CCSER1: variants seen among roughly 807,000 people sequenced by gnomAD.
CCSER1 encodes serine-rich coiled-coil domain-containing protein 1.
Under a neutral mutation model 82.0 loss-of-function variants are expected in CCSER1, and 41 were observed. The ratio of observed to expected loss-of-function variants is 0.50; its 90% CI spans 0.39 to 0.65. CCSER1 has a LOEUF of 0.65. Ranked by LOEUF, CCSER1 falls within the 30% of genes least tolerant of loss-of-function variation. The pLI, the probability that CCSER1 is intolerant of heterozygous loss-of-function variation, is 0.00. For synonymous variants in CCSER1, 414 were observed against 383.9 expected, an observed-to-expected ratio of 1.08 and a Z score of -0.92; for missense variants, 1,119 against 1,064.2, an observed-to-expected ratio of 1.05 and a Z score of -0.72.
chr4:91,225,308 T>C (rs1440636702), intron 10 of CCSER1, among the ~76,000 whole-genome samples: 1 of 127,866 alleles, frequency 7.8e-6, no homozygotes, highest in Non-Finnish European at 1.6e-5. Context: ...ATATATATTA[T>C]ATATGTAATA....
rs150080974 is a variant in CCSER1 at position 90,767,739 on chromosome 4, A to G, written c.2010+43748A>G. 1.6e-3 allele frequency among the ~76,000 whole-genome samples: 251 copies of G among 152,134 alleles called. 1 individual carries two copies. Among genetic ancestry groups the G allele is most frequent in the African/African-American group, 5.8e-3 (242 of 41,512 alleles). On this transcript the variant is annotated intron_variant, in intron 7 of 10. Coordinates refer to ENST00000509176, the MANE Select transcript of CCSER1 (RefSeq NM_001145065.2). ...ACCCAGGCTGGAGTGCAGTGGTGCT[A>G]TCTCAGTTTGCTCCATCTCCAGGGC... is the stretch of plus-strand genomic sequence containing the variant.
intron 7 of CCSER1, among the ~76,000 whole-genome samples, chr4:90,801,063 GAAAC>G (rs755898029): frequency 5.9e-5 from 9 of 151,984 alleles, no homozygotes; most frequent in Non-Finnish European, 1.3e-4. Context: ...TCAAAAAAAT[GAAAC>G]AAAGAGGACA....
At chr4:91,418,386 A>G (rs1366806065) in intron 10 of CCSER1, among the ~76,000 whole-genome samples, 1 of 151,614 alleles carries the variant, frequency 6.6e-6, no homozygotes, top group Non-Finnish European at 1.5e-5. Context: ...AAAATGTTAA[A>G]TGAAAGAAGA....
intron 10 of CCSER1, among the ~76,000 whole-genome samples, chr4:91,398,554 A>G (rs930171094): frequency 6.6e-6 from 1 of 151,988 alleles, no homozygotes; most frequent in Non-Finnish European, 1.5e-5. Flanking sequence ...TCATTAATGT[A>G]CAAGATCACT....
At chr4:90,765,153 T>C (rs561076117) in intron 7 of CCSER1, among the ~76,000 whole-genome samples, 1 of 152,134 alleles carries the variant, frequency 6.6e-6, no homozygotes, top group Non-Finnish European at 1.5e-5. Context: ...TAATTAACTC[T>C]CTGCTATGTC....
intron 3 of CCSER1, among the ~76,000 whole-genome samples, chr4:90,347,338 T>TATCA (rs1454337597): frequency 2.0e-5 from 3 of 152,038 alleles, no homozygotes; most frequent in Non-Finnish European, 4.4e-5. Flanking sequence ...TCTATCTATC[T>TATCA]ATCTATCTAT....
chr4:90,435,931 A>G (rs940029474), intron 4 of CCSER1, among the ~76,000 whole-genome samples: 4 of 152,092 alleles, frequency 2.6e-5, no homozygotes, highest in African/African-American at 4.8e-5. Flanking sequence ...AAACCAATCA[A>G]ACACAAGGGC....
intron 9 of CCSER1, among the ~76,000 whole-genome samples, chr4:91,015,882 C>T (rs1049406763): frequency 1.2e-4 from 18 of 151,816 alleles, no homozygotes; most frequent in African/African-American, 4.3e-4. Flanking sequence ...TTTACAGGAA[C>T]ATTAGAACTA....
At chr4:90,819,594 G>T (rs183754024) in intron 8 of CCSER1, among the ~76,000 whole-genome samples, 2 of 152,088 alleles carry the variant, frequency 1.3e-5, no homozygotes, top group East Asian at 1.9e-4. Context: ...TAATAATTTC[G>T]ATTTAGGATT....
At chr4:90,809,584 G>A (rs559962260) in intron 7 of CCSER1, among the ~76,000 whole-genome samples, 24 of 152,058 alleles carry the variant, frequency 1.6e-4, no homozygotes, top group African/African-American at 5.8e-4. Flanking sequence ...TGGGTACAAT[G>A]TACACTATTT....
chr4:91,368,316 T>G (rs1320419713), intron 10 of CCSER1, among the ~76,000 whole-genome samples: 3 of 152,052 alleles, frequency 2.0e-5, no homozygotes, highest in Admixed American at 2.0e-4. Flanking sequence ...TGGTCTATTC[T>G]GTGATTTTTT....
chr4:90,944,613 T>C lies in CCSER1; in HGVS notation c.2172+21166T>C, dbSNP rs1243979781. Among the ~76,000 whole-genome samples, 9 of 152,206 alleles carry C rather than the reference T, an allele frequency of 5.9e-5. 1 individual carries two copies. Among genetic ancestry groups the C allele is most frequent in the African/African-American group, 2.2e-4 (9 of 41,450 alleles). ...GAGTGTTTCATTCATGAAATATCTC[T>C]ATTTTATATCCCAACATTGTGGCAT... On this transcript the variant is annotated intron_variant, in intron 9 of 10. Transcript: ENST00000509176.
intron 5 of CCSER1, among the ~76,000 whole-genome samples, chr4:90,487,764 C>T (rs1401520510): frequency 6.6e-6 from 1 of 152,110 alleles, no homozygotes; most frequent in Admixed American, 6.5e-5. Flanking sequence ...GCCTCAGCCT[C>T]TGGAGTAGCT....
chr4:91,546,559 T>G (rs889292401), intron 10 of CCSER1, among the ~76,000 whole-genome samples: 4 of 152,098 alleles, frequency 2.6e-5, no homozygotes, highest in Non-Finnish European at 5.9e-5. Context: ...ATTATCATTG[T>G]AATGTTTATG....
chr4:91,372,657 T>C (rs1315248893), intron 10 of CCSER1, among the ~76,000 whole-genome samples: 2 of 152,152 alleles, frequency 1.3e-5, no homozygotes, highest in Non-Finnish European at 2.9e-5. Flanking sequence ...ACCTCTGATA[T>C]GGCTAATAAC....
intron 1 of CCSER1, among the ~76,000 whole-genome samples, chr4:90,155,767 T>A (rs1480132644): frequency 6.6e-6 from 1 of 152,098 alleles, no homozygotes; most frequent in Non-Finnish European, 1.5e-5. Flanking sequence ...CTCTTTTTTC[T>A]TCTTTATTAG....
intron 10 of CCSER1, among the ~76,000 whole-genome samples, chr4:91,194,938 A>G (rs1735289865): frequency 6.6e-6 from 1 of 152,206 alleles, no homozygotes; most frequent in Non-Finnish European, 1.5e-5. Flanking sequence ...ATTTACAAAA[A>G]GTAATTGGGT....
intron 6 of CCSER1, among the ~76,000 whole-genome samples, chr4:90,633,868 T>C (rs1724930574): frequency 6.6e-6 from 1 of 151,814 alleles, no homozygotes. Flanking sequence ...CAGTTTCTTT[T>C]TATTAAAATG....
chr4:90,631,594 C>T (rs1409871280), intron 6 of CCSER1, among the ~76,000 whole-genome samples: 2 of 152,080 alleles, frequency 1.3e-5, no homozygotes, highest in Non-Finnish European at 2.9e-5. Flanking sequence ...TAGAAGGATG[C>T]CTCGACAGAG....
Sources: gnomAD v4.1 joint callset for allele counts (sites outside exome capture counted in the v4.1 genomes callset) on GRCh38, gnomAD v4.1.1 for gene constraint, MANE v1.5 for transcripts, NCBI Gene and HGNC (gene_info 2026-07-23, HGNC 2026-07-21) for gene names.